The following CWC25 variants were observed in gnomAD, a reference collection of about 807,000 sequenced individuals.
CWC25 encodes pre-mRNA-splicing factor CWC25 homolog.
In CWC25, 31 loss-of-function variants were observed where a neutral mutation model predicts 54.6. That is an observed-to-expected ratio of 0.57 (90% confidence interval 0.43 to 0.77). The LOEUF is 0.77. Ranked by LOEUF, CWC25 falls within the 30% of genes least tolerant of loss-of-function variation. CWC25 has a pLI of 0.00. For missense variants in CWC25, 453 were observed against 529.3 expected, an observed-to-expected ratio of 0.86 and a Z score of 1.41; for synonymous variants, 151 against 187.0, an observed-to-expected ratio of 0.81 and a Z score of 1.57.
rs139711060 is a variant in CWC25 at position 38,820,619 on chromosome 17, C to T, written c.191+282G>A. On this transcript the variant is annotated intron_variant, in intron 2 of 9. Coordinates refer to ENST00000614790, the MANE Select transcript of CWC25 (RefSeq NM_017748.5). ...GGTTATCAGCCATCTACTGTGAGCT[C>T]GGCTTACAGCAAGTCCTTACGTGTT... is the stretch of plus-strand genomic sequence containing the variant. 2.1e-3 allele frequency among the ~76,000 whole-genome samples: 313 copies of T among 152,274 alleles called. 2 individuals are homozygous for T. Among genetic ancestry groups the T allele is most frequent in the African/African-American group, 7.2e-3 (298 of 41,560 alleles).
At chr17:38,810,307 A>C in intron 5 of CWC25, 161 bp downstream of exon 5, 1 of 701,012 alleles carries the variant, frequency 1.4e-6, no homozygotes, top group Non-Finnish European at 2.3e-6. Flanking sequence ...CTAGCATTAG[A>C]TGGCAAGCTC....
chr17:38,823,478 A>G (rs1912013221), intron 1 of CWC25, among the ~76,000 whole-genome samples: 1 of 152,056 alleles, frequency 6.6e-6, no homozygotes, highest in South Asian at 2.1e-4. Flanking sequence ...TTAAAAAAAA[A>G]AAAAGAAAAG....
chr17:38,821,593 A>C (rs1392517336), intron 1 of CWC25, among the ~76,000 whole-genome samples: 1 of 152,124 alleles, frequency 6.6e-6, no homozygotes, highest in Non-Finnish European at 1.5e-5. Flanking sequence ...AAGCTTCAGG[A>C]TAGAACGGGT....
At position 38,815,662 on chromosome 17, in the gene CWC25, A is replaced by C. The variant is rs565029865; in HGVS notation, c.192-565T>G. On this transcript the variant is annotated intron_variant, in intron 2 of 9. Coordinates refer to ENST00000614790, the MANE Select transcript of CWC25 (RefSeq NM_017748.5). Reference sequence around the variant, plus strand: ...ATAAGGAAAACCAGTGTTCCTCAACATGGGGTGTGGATCTTGGCTCAGAGC... The same window carrying C: ...ATAAGGAAAACCAGTGTTCCTCAACCTGGGGTGTGGATCTTGGCTCAGAGC... 3 of 1,288,872 alleles carry C rather than the reference A, an allele frequency of 2.3e-6. No individual in the cohort carries two copies. In the East Asian group the frequency reaches 1.7e-4, roughly 72 times the overall value. 79.8% of individuals were successfully genotyped at this position (1,288,872 alleles called of 1,614,324 possible).
intron 7 of CWC25, 55 bp downstream of exon 7, chr17:38,806,707 CCTG>C: frequency 7.0e-7 from 1 of 1,435,782 alleles, no homozygotes; most frequent in East Asian, 2.3e-5. Flanking sequence ...AAAACAAATG[CCTG>C]CTGGGACCAG....
At chr17:38,803,349 G>T (rs1911102613) in intron 8 of CWC25, among the ~76,000 whole-genome samples, 1 of 152,200 alleles carries the variant, frequency 6.6e-6, no homozygotes, top group Non-Finnish European at 1.5e-5. Context: ...AATAAATAGG[G>T]CCAGGCATGG....
At chr17:38,821,787 T>C (rs1462546894) in intron 1 of CWC25, among the ~76,000 whole-genome samples, 1 of 152,012 alleles carries the variant, frequency 6.6e-6, no homozygotes, top group African/African-American at 2.4e-5. Flanking sequence ...CATTCTTTTT[T>C]TTTTTTTTTT....
chr17:38,819,014 C>T (rs1028842423), intron 2 of CWC25, among the ~76,000 whole-genome samples: 46 of 150,262 alleles, frequency 3.1e-4, no homozygotes, highest in South Asian at 2.9e-3. Flanking sequence ...TCAATTTTTA[C>T]TTATTTATTT....
intron 8 of CWC25, among the ~76,000 whole-genome samples, chr17:38,803,918 C>T (rs1911127398): frequency 6.6e-6 from 1 of 151,454 alleles, no homozygotes; most frequent in Admixed American, 6.6e-5. Context: ...ATGGTGGCAC[C>T]CGTGTAGCCC....
In CWC25 at chr17:38,802,332, C is replaced by G. The variant is rs1403818529; in HGVS notation, c.1164-126G>C. 1.9e-5 allele frequency: 12 copies of G among 635,904 alleles called. No individual in the cohort carries two copies. The Admixed American group carries it at 2.6e-4, about 14-fold the overall frequency. 39.4% of individuals were successfully genotyped at this position (635,904 alleles called of 1,614,324 possible). A position where few individuals can be genotyped will look rare whatever the true frequency, so the allele number is the denominator to read the frequency against. ...GTAAAAACACAACCTCTTTTAAGCT[C>G]CCATAGATAACTTTCGAGTGACTCC... On this transcript the variant is annotated intron_variant, in intron 9 of 9. Transcript: ENST00000614790.
chr17:38,809,714 T>G lies in CWC25; in HGVS notation c.678A>C (p.Gly226=). ...CCCACATCCCTACCTGTAAGCCATA[T>G]CCAGGGACTTTGGACAAAACAGGGG... is the stretch of plus-strand genomic sequence containing the variant. ...NSSPVLSKVP[G]YGLQVRNSDR... is the part of the protein sequence containing the mutation. The change falls in exon 6 of 10, where the codon GGA becomes GGC. Residue 226 remains glycine (G), a synonymous_variant. Coordinates refer to ENST00000614790, the MANE Select transcript of CWC25 (RefSeq NM_017748.5). The G allele has an allele frequency of 1.2e-6, 2 of 1,613,906 alleles. No individual in the cohort carries two copies. The highest frequency in any genetic ancestry group is 1.7e-6 in the Non-Finnish European group (2 of 1,179,850).
rs1911644010 is a variant in CWC25 at position 38,815,051 on chromosome 17, T to C, written c.238A>G (p.Met80Val). 6.2e-7 allele frequency: 1 copy of C among 1,613,966 alleles called. No individual in the cohort carries two copies. The highest frequency in any genetic ancestry group is 1.1e-5 in the South Asian group (1 of 91,086). Reference sequence around the variant, plus strand: ...AGCAGGTACTCGTCACGGTTCACCATCCCACCAGGACCCTGGTACATCCAG... The same window carrying C: ...AGCAGGTACTCGTCACGGTTCACCACCCCACCAGGACCCTGGTACATCCAG... ...LDWMYQGPGGMVNRDEYLLGR... is the reference protein window; with the variant it reads ...LDWMYQGPGGVVNRDEYLLGR... The change falls in exon 3 of 10, where the codon ATG becomes GTG. Residue 80 changes from methionine (M) to valine (V), a missense_variant. This residue lies in a region of CWC25 where 444 missense variants were observed against 499.2 expected (regional missense o/e 0.89). Transcript: ENST00000614790.
At chr17:38,822,676 C>T (rs1911969959) in intron 1 of CWC25, among the ~76,000 whole-genome samples, 1 of 152,028 alleles carries the variant, frequency 6.6e-6, no homozygotes, top group Non-Finnish European at 1.5e-5. Context: ...GGGAACAGTA[C>T]AGACAAGTGC....
intron 2 of CWC25, among the ~76,000 whole-genome samples, chr17:38,818,844 T>G (rs890874740): frequency 6.6e-6 from 1 of 152,084 alleles, no homozygotes; most frequent in Non-Finnish European, 1.5e-5. Flanking sequence ...TCTACAGTTG[T>G]GCATCTGTAC....
chr17:38,811,581 A>G (rs1911491297), intron 4 of CWC25, among the ~76,000 whole-genome samples: 1 of 150,772 alleles, frequency 6.6e-6, no homozygotes, highest in African/African-American at 2.4e-5. Context: ...GACCCCTATC[A>G]GTCTCCTTTG....
At position 38,820,887 on chromosome 17, in the gene CWC25, A is replaced by G. The variant is rs1356364550; in HGVS notation, c.191+14T>C. 6.2e-7 allele frequency: 1 copy of G among 1,606,498 alleles called. No homozygotes were observed. The highest frequency in any genetic ancestry group is 8.5e-7 in the Non-Finnish European group (1 of 1,176,168). On this transcript the variant is annotated intron_variant, in intron 2 of 9. Transcript: ENST00000614790. ...ATTCCCTACACACAAGCGCACCCCC[A>G]GCTCCTCACTTACTTGACGGCCCCA...
At chr17:38,802,336 T>C (rs1911061209) in intron 9 of CWC25, 130 bp from the exon 10 acceptor site, 6 of 629,914 alleles carry the variant, frequency 9.5e-6, no homozygotes, top group Non-Finnish European at 1.6e-5. Flanking sequence ...TAAGCTCCCA[T>C]AGATAACTTT....
intron 8 of CWC25, among the ~76,000 whole-genome samples, chr17:38,803,208 C>T (rs11652515): frequency 2.6e-5 from 4 of 152,156 alleles, no homozygotes; most frequent in Non-Finnish European, 5.9e-5. Flanking sequence ...CTAGGTTATC[C>T]ATGTAACTGT....
intron 8 of CWC25, among the ~76,000 whole-genome samples, chr17:38,803,390 G>C (rs570800446): frequency 3.5e-4 from 53 of 152,348 alleles, no homozygotes; most frequent in African/African-American, 1.2e-3. Context: ...AGCACTTTGG[G>C]AGGCCAAGGC....
Sources: gnomAD v4.1 joint callset for allele counts (sites outside exome capture counted in the v4.1 genomes callset) on GRCh38, gnomAD v4.1.1 for gene constraint, gnomAD v4.1.1 regional missense constraint, MANE v1.5 for transcripts, NCBI Gene and HGNC (gene_info 2026-07-23, HGNC 2026-07-21) for gene names.